Variants in ACTMAP observed in about 807,000 individuals in gnomAD.
ACTMAP encodes UPF0692 protein C19orf54.
At chr19:40,745,839 A>G in the ACTMAP span, among the ~76,000 whole-genome samples, 2 of 151,880 alleles carry the variant, frequency 1.3e-5, no homozygotes, top group Non-Finnish European at 2.9e-5. Context: ...CGCCCAGCTA[A>G]TTTTGTATTT....
At chr19:40,743,513 G>T in the ACTMAP span, among the ~76,000 whole-genome samples, 1 of 152,118 alleles carries the variant, frequency 6.6e-6, no homozygotes, top group African/African-American at 2.4e-5. Flanking sequence ...GATTACAGGC[G>T]TGAGCCACCG....
the ACTMAP span, chr19:40,749,799 G>C: frequency 1.1e-4 from 165 of 1,453,534 alleles, no homozygotes; most frequent in Non-Finnish European, 1.4e-4. Flanking sequence ...GCATGGAGAA[G>C]TCATTTTGGG....
chr19:40,749,871 G>A, the ACTMAP span: 2 of 1,199,110 alleles, frequency 1.7e-6, no homozygotes, highest in Non-Finnish European at 1.1e-6. Context: ...AACGGAGAAC[G>A]GTCTCAGGGA....
chr19:40,743,778 C>A, the ACTMAP span: 1 of 1,179,576 alleles, frequency 8.5e-7, no homozygotes. Context: ...CCAGCCTGCC[C>A]GGTGCTAATG....
chr19:40,749,679 G>T, the ACTMAP span: 1 of 1,535,836 alleles, frequency 6.5e-7, no homozygotes, highest in Non-Finnish European at 8.8e-7. Context: ...GGGAGGGGAT[G>T]GTAAAGCTGA....
the ACTMAP span, chr19:40,749,593 G>T: frequency 1.3e-6 from 2 of 1,551,280 alleles, no homozygotes; most frequent in Admixed American, 2.0e-5. Flanking sequence ...CCGAAGACAT[G>T]ACGGGGAGCA....
chr19:40,747,795 G>A, the ACTMAP span, among the ~76,000 whole-genome samples: 26 of 152,238 alleles, frequency 1.7e-4, no homozygotes, highest in Non-Finnish European at 3.7e-4. Flanking sequence ...GAGCCTGGGA[G>A]GTTGGGGCTG....
At chr19:40,741,946 A>T in the ACTMAP span, 1 of 441,516 alleles carries the variant, frequency 2.3e-6, no homozygotes, top group African/African-American at 2.0e-5. Flanking sequence ...CTGAGCCCCA[A>T]TGGAAAAGTT....
the ACTMAP span, chr19:40,741,612 A>G: frequency 2.5e-6 from 1 of 405,798 alleles, no homozygotes; most frequent in African/African-American, 2.0e-5. Context: ...GTGGACAGGA[A>G]AGTTTGTGGT....
chr19:40,742,677 C>T, the ACTMAP span: 1 of 1,613,114 alleles, frequency 6.2e-7, no homozygotes, highest in East Asian at 2.2e-5. Flanking sequence ...TGGTGGTTGG[C>T]AGGGCGTGCC....
At chr19:40,741,968 C>T in the ACTMAP span, 22 of 440,054 alleles carry the variant, frequency 5.0e-5, no homozygotes, top group South Asian at 2.6e-4. Context: ...AGGAGTGATC[C>T]GCAGCAGAGG....
the ACTMAP span, chr19:40,744,743 G>A: frequency 1.4e-5 from 22 of 1,533,392 alleles, no homozygotes; most frequent in African/African-American, 4.1e-5. Flanking sequence ...CCTGGAAGCT[G>A]GAGTTGGGGA....
the ACTMAP span, chr19:40,749,737 C>G: frequency 1.6e-5 from 24 of 1,504,180 alleles, no homozygotes; most frequent in Non-Finnish European, 1.9e-5. Flanking sequence ...ATGCTGCTGG[C>G]TTGGGGTACA....
the ACTMAP span, among the ~76,000 whole-genome samples, chr19:40,746,037 G>C: frequency 6.6e-6 from 1 of 152,174 alleles, no homozygotes; most frequent in African/African-American, 2.4e-5. Context: ...TCTGTGATTT[G>C]TTTTTCGCTT....
the ACTMAP span, chr19:40,744,258 C>T: frequency 6.8e-7 from 1 of 1,480,526 alleles, no homozygotes; most frequent in African/African-American, 1.4e-5. Context: ...GCTGAGGGCT[C>T]ACAGTGGGCG....
the ACTMAP span, among the ~76,000 whole-genome samples, chr19:40,743,315 C>T: frequency 1.3e-5 from 2 of 151,358 alleles, no homozygotes; most frequent in Admixed American, 1.3e-4. Context: ...TCACTGCAAC[C>T]TCCGCCTCCC....
chr19:40,741,166 G>C, the ACTMAP span: 1 of 396,458 alleles, frequency 2.5e-6, no homozygotes, highest in Non-Finnish European at 4.4e-6. Flanking sequence ...CTGTGGCCGG[G>C]CTCAGTGGCT....
At chr19:40,742,809 G>C in the ACTMAP span, 5 of 1,552,802 alleles carry the variant, frequency 3.2e-6, no homozygotes, top group Non-Finnish European at 4.4e-6. Context: ...CAGTGACTGA[G>C]CCAGGACCAG....
chr19:40,743,859 G>A, the ACTMAP span: 24 of 1,600,038 alleles, frequency 1.5e-5, no homozygotes, highest in Middle Eastern at 1.7e-4. Flanking sequence ...AATGGAGGCC[G>A]GGGAGACCCA....
Sources: allele counts gnomAD v4.1 joint callset (sites outside exome capture counted in the v4.1 genomes callset), GRCh38; gene constraint gnomAD v4.1.1; transcripts MANE v1.5; gene names NCBI Gene and HGNC (gene_info 2026-07-23, HGNC 2026-07-21).